Variants in GYS1 observed in about 807,000 individuals in gnomAD.
GYS1 encodes the protein glycogen synthase 1, also known as glycogen [starch] synthase, muscle.
In GYS1, 60 loss-of-function variants were observed where a neutral mutation model predicts 89.1. The observed-to-expected ratio is 0.67, with a 90% CI of 0.55 to 0.84. The LOEUF (loss-of-function observed/expected upper bound fraction) is 0.84, where lower values mean the gene tolerates loss of function less well. GYS1 is among the 40% of genes least tolerant of loss of function. GYS1 has a pLI of 0.00. For synonymous variants in GYS1, 366 were observed against 401.7 expected, an observed-to-expected ratio of 0.91 and a Z score of 1.06; for missense variants, 888 against 1,003.1, an observed-to-expected ratio of 0.89 and a Z score of 1.55.
At chr19:48,982,678 A>C (rs749692479) in intron 6 of GYS1, 42 bp downstream of exon 6, 9 of 1,366,342 alleles carry the variant, frequency 6.6e-6, no homozygotes, top group Non-Finnish European at 9.4e-6. Flanking sequence ...TTAGGCTCCC[A>C]ACGCCCTCCT....
At position 48,969,507 on chromosome 19, in the gene GYS1, G is replaced by C. The variant is rs201072036; in HGVS notation, c.1995C>G (p.Asn665Lys). ...HQSEDEEDPR[N>K]GPLEEDGERY... ...GCTCGCCGTCTTCCTCCAGCGGCCCGTTCCGGGGATCCTCCTCGTCCTCAC... is the reference window on the plus strand; with the variant it reads ...GCTCGCCGTCTTCCTCCAGCGGCCCCTTCCGGGGATCCTCCTCGTCCTCAC... The change falls in exon 16 of 16, where the codon AAC becomes AAG. Residue 665 changes from asparagine to lysine, a missense_variant. Asn to Lys is a moderately conservative substitution (Grantham distance 94). Transcript: ENST00000323798. 1.3e-6 allele frequency: 2 copies of C among 1,544,248 alleles called. No homozygotes were observed. The highest frequency in any genetic ancestry group is 1.7e-6 in the Non-Finnish European group (2 of 1,146,890).
At chr19:48,972,494 T>C (rs913877298) in intron 12 of GYS1, among the ~76,000 whole-genome samples, 6 of 151,634 alleles carry the variant, frequency 4.0e-5, no homozygotes, top group Non-Finnish European at 7.4e-5. Context: ...ATTATTATTA[T>C]TTTAGACAGG....
intron 10 of GYS1, among the ~76,000 whole-genome samples, chr19:48,976,764 T>A (rs1378025117): frequency 2.0e-5 from 3 of 152,102 alleles, no homozygotes; most frequent in Non-Finnish European, 4.4e-5. Context: ...TTTCTTTTCC[T>A]TCTTTCGTGT....
rs13306415 is a variant in GYS1, at chr19:48,982,297, G to T, written c.1020C>A (p.Asp340Glu). 1.2e-6 allele frequency: 2 copies of T among 1,613,686 alleles called. No homozygotes were observed. The highest frequency in any genetic ancestry group is 1.7e-6 in the Non-Finnish European group (2 of 1,179,730). ...GRYEFSNKGA[D>E]VFLEALARLN... ...GCCGAGCCAATGCCTCCAGGAAGAC[G>T]TCAGCACCCTTGTTGGAGAACTCAT... The change falls in exon 7 of 16, where the codon GAC (aspartate) becomes GAA (glutamate). Residue 340 changes from aspartate (D) to glutamate (E), a missense_variant. Asp to Glu is a conservative substitution (Grantham distance 45). Coordinates refer to ENST00000323798, the MANE Select transcript of GYS1 (RefSeq NM_002103.5).
intron 3 of GYS1, 67 bp downstream of exon 3, chr19:48,987,127 C>G: frequency 8.6e-7 from 1 of 1,164,990 alleles, no homozygotes; most frequent in South Asian, 1.3e-5. Flanking sequence ...GAAGCCCATC[C>G]TCTGGCCCAG....
At chr19:48,980,222 C>T (rs1389280072) in intron 8 of GYS1, among the ~76,000 whole-genome samples, 1 of 152,188 alleles carries the variant, frequency 6.6e-6, no homozygotes, top group East Asian at 1.9e-4. Context: ...CTTGCTCCCT[C>T]GTCACCTTTC....
rs894409967 is a variant in GYS1, at chr19:48,968,751, A to G, written c.*537T>C. 1.1e-5 allele frequency: 5 copies of G among 453,998 alleles called. No individual in the cohort carries two copies. The highest frequency in any genetic ancestry group is 6.0e-5 in the African/African-American group (3 of 49,996). 28.1% of individuals were successfully genotyped at this position (453,998 alleles called of 1,614,324 possible). On this transcript the variant is annotated 3_prime_UTR_variant, in exon 16 of 16. Transcript: ENST00000323798. ...GCTAGAACATCCCTCCCAGAGCCCC[A>G]CTTCTGGAGTTGAAATGGAGGACCA...
chr19:48,973,583 G>T (rs1358662795), intron 12 of GYS1, among the ~76,000 whole-genome samples: 1 of 144,132 alleles, frequency 6.9e-6, no homozygotes, highest in Non-Finnish European at 1.5e-5. Flanking sequence ...GCAGTGGCAT[G>T]ATCTCAGCTC....
rs759780377 is a variant in GYS1, at chr19:48,968,876, G to C, written c.*412C>G. 1 of 468,234 alleles carries C rather than the reference G, an allele frequency of 2.1e-6. No individual in the cohort carries two copies. The highest frequency in any genetic ancestry group is 2.3e-5 in the Admixed American group (1 of 42,902). 29.0% of individuals were successfully genotyped at this position (468,234 alleles called of 1,614,324 possible). On this transcript the variant is annotated 3_prime_UTR_variant, in exon 16 of 16. Coordinates refer to ENST00000323798, the MANE Select transcript of GYS1 (RefSeq NM_002103.5). ...CGTGGTTTCCAGAACTTGGTGGCCC[G>C]CATGCCGGGCCTGAGCGTGGCCTGC...
At position 48,977,685 on chromosome 19, in the gene GYS1, G is replaced by A. The variant is rs111299296; in HGVS notation, c.1308+239C>T. On this transcript the variant is annotated intron_variant, in intron 10 of 15. Coordinates refer to ENST00000323798, the MANE Select transcript of GYS1 (RefSeq NM_002103.5). ...AATCCCAGAGAAACCACACGTCCCAGCAACCCTCGTGGCAGAATAAGCCAC... is the reference window on the plus strand; with the variant it reads ...AATCCCAGAGAAACCACACGTCCCAACAACCCTCGTGGCAGAATAAGCCAC... Among the ~76,000 whole-genome samples the A allele has an allele frequency of 0.015, 2,327 of 152,266 alleles. 54 individuals are homozygous for A. Among genetic ancestry groups the A allele is most frequent in the African/African-American group, 0.052 (2,164 of 41,554 alleles).
intron 8 of GYS1, among the ~76,000 whole-genome samples, chr19:48,978,886 G>A (rs753663212): frequency 4.6e-5 from 7 of 152,066 alleles, no homozygotes; most frequent in South Asian, 2.1e-4. Context: ...CAGGGAAGCC[G>A]TGCCCTGGGG....
chr19:48,993,030 A>C lies in GYS1; in HGVS notation c.83T>G (p.Val28Gly). ...CACCTCCCAGGCCACTTCGAAGAGC[A>C]CTGCGTTCTCCAGGTCGAATTCATC... ...WEDEFDLENA[V>G]LFEVAWEVAN... The change falls in exon 1 of 16, where the codon GTG (valine) becomes GGG (glycine). Residue 28 changes from valine (V) to glycine (G), a missense_variant. Val to Gly is a moderately radical substitution (Grantham distance 109). Coordinates refer to ENST00000323798, the MANE Select transcript of GYS1 (RefSeq NM_002103.5). 1 of 1,612,452 alleles carries C rather than the reference A, an allele frequency of 6.2e-7. No homozygotes were observed. The highest frequency in any genetic ancestry group is 8.5e-7 in the Non-Finnish European group (1 of 1,178,548).
Position 48,970,552 on chromosome 19 carries a change from T to C in GYS1, c.1803A>G (p.Leu601=), listed in dbSNP as rs758577682. 1 of 1,613,456 alleles carries C rather than the reference T, an allele frequency of 6.2e-7. No homozygotes were observed. The highest frequency in any genetic ancestry group is 8.5e-7 in the Non-Finnish European group (1 of 1,179,748). ...RLSDLLDWKY[L]GRYYMSARHM... is the part of the protein sequence containing the mutation. ...AGGAAAGTGGGGGTCCTACCCGGCC[T>C]AGGTATTTCCAGTCCAGAAGGTCGG... Residue 601 remains leucine (L), a synonymous_variant, in exon 14 of 16, where the codon CTA becomes CTG. Coordinates refer to ENST00000323798, the MANE Select transcript of GYS1 (RefSeq NM_002103.5).
intron 10 of GYS1, among the ~76,000 whole-genome samples, chr19:48,976,192 A>G (rs1035944407): frequency 7.9e-5 from 12 of 152,134 alleles, no homozygotes; most frequent in African/African-American, 2.9e-4. Flanking sequence ...GGGCTGCTTT[A>G]GGGACTATTG....
chr19:48,979,315 T>C (rs2038709833), intron 8 of GYS1, among the ~76,000 whole-genome samples: 1 of 148,526 alleles, frequency 6.7e-6, no homozygotes, highest in Non-Finnish European at 1.5e-5. Context: ...TCTTTCTTTG[T>C]CTCTTTTTCT....
In GYS1 at chr19:48,986,050, G is replaced by A. The variant is rs550529288; in HGVS notation, c.493-15C>T. 2.5e-6 allele frequency: 4 copies of A among 1,612,896 alleles called. No individual in the cohort carries two copies. In the South Asian group the frequency reaches 4.4e-5, roughly 18 times the overall value. ...TGTGCCAGGAACTGTGGGCAACAGG[G>A]ACAGGGCCACTGTCTCCACGAGTGT... On this transcript the variant is annotated splice_polypyrimidine_tract_variant and intron_variant, in intron 3 of 15. Coordinates refer to ENST00000323798, the MANE Select transcript of GYS1 (RefSeq NM_002103.5).
At chr19:48,970,897 T>C (rs1273854488) in intron 13 of GYS1, 31 bp downstream of exon 13, 10 of 1,557,568 alleles carry the variant, frequency 6.4e-6, no homozygotes, top group East Asian at 2.2e-5. Flanking sequence ...TCAAGCCCCC[T>C]TCCAGAATCC....
At chr19:48,990,003 G>A (rs910168469) in intron 2 of GYS1, among the ~76,000 whole-genome samples, 2 of 147,838 alleles carry the variant, frequency 1.4e-5, no homozygotes, top group Non-Finnish European at 3.0e-5. Context: ...TTTGCTGGGG[G>A]GGGGGGGGGG....
Position 48,978,066 on chromosome 19 carries a change from G to A in GYS1, c.1229+32C>T, listed in dbSNP as rs201716068. 71 of 1,610,450 alleles carry A rather than the reference G, an allele frequency of 4.4e-5. No individual in the cohort carries two copies. The African/African-American group carries it at 8.3e-4, about 19-fold the overall frequency. On this transcript the variant is annotated intron_variant, in intron 9 of 15. Transcript: ENST00000323798. ...AATGAGAGGGGTTAGTCAGGGCCTAGGAGGGCACAGGGCTGAGGGTGGGGC... is the reference window on the plus strand; with the variant it reads ...AATGAGAGGGGTTAGTCAGGGCCTAAGAGGGCACAGGGCTGAGGGTGGGGC...
Sources: gnomAD v4.1 joint callset for allele counts (sites outside exome capture counted in the v4.1 genomes callset) on GRCh38, gnomAD v4.1.1 for gene constraint, MANE v1.5 for transcripts, NCBI Gene and HGNC (gene_info 2026-07-23, HGNC 2026-07-21) for gene names.